COA6: variants seen among roughly 807,000 people sequenced by gnomAD.
COA6 encodes cytochrome c oxidase assembly factor 6.
Under a neutral mutation model 17.1 loss-of-function variants are expected in COA6, and 12 were observed. That is an observed-to-expected ratio of 0.70 (90% CI 0.45 to 1.14). The LOEUF (loss-of-function observed/expected upper bound fraction) is 1.14. Among genes scored for constraint, COA6 ranks in the 50% most tolerant of loss-of-function variants. The pLI, the probability that COA6 is intolerant of heterozygous loss-of-function variation, is 0.00. For missense variants in COA6, 246 were observed against 196.5 expected, an observed-to-expected ratio of 1.25 and a Z score of -1.51; for synonymous variants, 90 against 73.4, an observed-to-expected ratio of 1.23 and a Z score of -1.16.
intron 2 of COA6, 141 bp from the exon 3 acceptor site, chr1:234,383,582 A>T (rs1029949660): frequency 1.8e-6 from 1 of 568,810 alleles, no homozygotes; most frequent in Non-Finnish European, 3.2e-6. Context: ...TGACACACAC[A>T]CACACACACA....
chr1:234,374,112 G>GTT (rs61077059), intron 1 of COA6, 118 bp from the exon 2 acceptor site: 1,002 of 859,910 alleles, frequency 1.2e-3, no homozygotes, highest in South Asian at 2.7e-3. Context: ...TTTTGTTTTT[G>GTT]TTTTTTTTTT....
At chr1:234,375,072 G>A (rs1353773530) in intron 2 of COA6, among the ~76,000 whole-genome samples, 7 of 150,730 alleles carry the variant, frequency 4.6e-5, no homozygotes, top group Admixed American at 1.3e-4. Context: ...GGCAGATCAC[G>A]AGGTCAGGAG....
In COA6 at chr1:234,384,338, G is replaced by C. The variant is rs1659068652; in HGVS notation, c.*520G>C. ...GAACTGGATGTCTAGCTAGTCCAGT[G>C]AGACAAAAAAGAAAAAGCATACACA... On this transcript the variant is annotated 3_prime_UTR_variant, in exon 3 of 3. Transcript: ENST00000366615. Among the ~76,000 whole-genome samples the C allele has an allele frequency of 6.6e-6, 1 of 152,034 alleles. No individual in the cohort carries two copies. Among genetic ancestry groups the C allele is most frequent in the African/African-American group, 2.4e-5 (1 of 41,428 alleles).
chr1:234,373,512 A>T lies in COA6; in HGVS notation c.46A>T (p.Ser16Cys), dbSNP rs968287055. 1.5e-5 allele frequency: 24 copies of T among 1,607,328 alleles called. No individual in the cohort carries two copies. Among genetic ancestry groups the T allele is most frequent in the Non-Finnish European group, 2.0e-5 (24 of 1,176,868 alleles). ...AAAGAGTCCGCGGTTTCGCCGCGTG[A>T]GTTGCTTTTTGCGGCTGGGGAGGTC... ...GQKSPRFRRV[S>C]CFLRLGRSTL... The change falls in exon 1 of 3, where the codon AGT (serine) becomes TGT (cysteine). Residue 16 changes from serine (S) to cysteine (C), a missense_variant. Ser to Cys is a moderately radical substitution (Grantham distance 112). Coordinates refer to ENST00000366615, the MANE Select transcript of COA6 (RefSeq NM_001206641.3).
chr1:234,378,852 G>A (rs1037898422), intron 2 of COA6, among the ~76,000 whole-genome samples: 7 of 151,748 alleles, frequency 4.6e-5, no homozygotes, highest in African/African-American at 1.7e-4. Context: ...CAGCCTGGGT[G>A]AGTACAAGAC....
Position 234,373,556 on chromosome 1 carries a change from G to C in COA6, c.90G>C (p.Glu30Asp), listed in dbSNP as rs781144654. 5 of 1,611,888 alleles carry C rather than the reference G, an allele frequency of 3.1e-6. No homozygotes were observed. The African/African-American group carries it at 6.7e-5, about 22-fold the overall frequency. ...RLGRSTLLELEPAGRPCSGRT... is the reference protein window; with the variant it reads ...RLGRSTLLELDPAGRPCSGRT... ...GGAGGTCTACGCTTCTAGAGCTTGA[G>C]CCAGCGGGGCGACCCTGCAGTGGCA... is the stretch of plus-strand genomic sequence containing the variant. Residue 30 changes from glutamate to aspartate, a missense_variant, in exon 1 of 3, where the codon GAG becomes GAC. By Grantham distance (45) the Glu-to-Asp change is conservative (BLOSUM62 2). Coordinates refer to ENST00000366615, the MANE Select transcript of COA6 (RefSeq NM_001206641.3).
chr1:234,381,710 GAGGGTTTGTGCTGTGGCAGTGAAGA>G (rs1016510894), intron 2 of COA6, among the ~76,000 whole-genome samples: 1 of 152,198 alleles, frequency 6.6e-6, no homozygotes, highest in Admixed American at 6.5e-5. Context: ...GAGAAATGAT[GAGGGTTTGTGCTGTGGCAGTGAAGA>G]AGGGAAAAGA....
chr1:234,377,400 C>T (rs1658836668), intron 2 of COA6, among the ~76,000 whole-genome samples: 1 of 152,134 alleles, frequency 6.6e-6, no homozygotes, highest in South Asian at 2.1e-4. Flanking sequence ...GCTGGGATTA[C>T]AGGCATGAGC....
In COA6 at chr1:234,374,344, C is replaced by T. The variant is rs368270296; in HGVS notation, c.327C>T (p.Cys109=). The T allele has an allele frequency of 3.1e-6, 5 of 1,613,872 alleles. No individual in the cohort carries two copies. The highest frequency in any genetic ancestry group is 1.6e-4 in the Middle Eastern group (1 of 6,062). Residue 109 remains cysteine, a synonymous_variant, in exon 2 of 3, where the codon TGC becomes TGT. Coordinates refer to ENST00000366615, the MANE Select transcript of COA6 (RefSeq NM_001206641.3). ...AGAACTTAGAGGATGCTTCTCAATG[C>T]AAGAAGTTAAGAAGCTCTTTCGAAT... The part of the protein sequence containing the change: ...LDENLEDASQ[C]KKLRSSFESS...
Position 234,374,359 on chromosome 1 carries a change from C to G in COA6, c.342C>G (p.Ser114Arg). 6.2e-7 allele frequency: 1 copy of G among 1,614,012 alleles called. No homozygotes were observed. Among genetic ancestry groups the G allele is most frequent in the South Asian group, 1.1e-5 (1 of 91,068 alleles). Residue 114 changes from serine (S) to arginine (R), a missense_variant, in exon 2 of 3, where the codon AGC becomes AGG. Physicochemically the swap from Ser to Arg is moderately radical, Grantham distance 110. Transcript: ENST00000366615. Reference protein sequence around the residue: ...EDASQCKKLRSSFESSCPQQW... With the variant: ...EDASQCKKLRRSFESSCPQQW... The stretch of plus-strand genomic sequence containing the variant: ...CTTCTCAATGCAAGAAGTTAAGAAG[C>G]TCTTTCGAATCAAGTTGTCCCCAAC...
At chr1:234,380,634 A>G (rs1462517960) in intron 2 of COA6, among the ~76,000 whole-genome samples, 1 of 151,182 alleles carries the variant, frequency 6.6e-6, no homozygotes, top group Non-Finnish European at 1.5e-5. Flanking sequence ...TACAACTAAT[A>G]TGGTAGCTGT....
At chr1:234,376,111 G>A (rs1658782185) in intron 2 of COA6, among the ~76,000 whole-genome samples, 1 of 152,164 alleles carries the variant, frequency 6.6e-6, no homozygotes, top group African/African-American at 2.4e-5. Flanking sequence ...GACTCCAGAA[G>A]AAAATATTAT....
In COA6 at chr1:234,374,164, C is replaced by T. The variant is rs1208634962; in HGVS notation, c.213-66C>T. The T allele has an allele frequency of 4.1e-5, 53 of 1,301,242 alleles. 1 individual carries two copies. The highest frequency in any genetic ancestry group is 3.2e-4 in the Admixed American group (14 of 43,222). 80.6% of individuals were successfully genotyped at this position (1,301,242 alleles called of 1,614,324 possible). A position where few individuals can be genotyped will look rare whatever the true frequency, so the allele number is the denominator to read the frequency against. ...GGAAGAGGAGATTGACGGTTTTCCTCTTTCCTTATCTTCTCTTCAGATTAC... is the reference window on the plus strand; with the variant it reads ...GGAAGAGGAGATTGACGGTTTTCCTTTTTCCTTATCTTCTCTTCAGATTAC... On this transcript the variant is annotated intron_variant, in intron 1 of 2. Transcript: ENST00000366615.
rs1658962608 is a variant in COA6 at position 234,381,199 on chromosome 1, ACAC to A, written c.373-2523_373-2521del. Among the ~76,000 whole-genome samples the A allele has an allele frequency of 4.6e-5, 7 of 152,312 alleles. No individual in the cohort carries two copies. In the South Asian group the frequency reaches 1.4e-3, roughly 32 times the overall value. On this transcript the variant is annotated intron_variant, in intron 2 of 2. Coordinates refer to ENST00000366615, the MANE Select transcript of COA6 (RefSeq NM_001206641.3). ...CAGAAATCCCAGTATTTTGGCATTC[ACAC>A]TACTGTCCTGGGTCTTATTCAGTGG...
intron 2 of COA6, among the ~76,000 whole-genome samples, chr1:234,380,978 TGACAGAGTAA>T (rs1183153667): frequency 6.6e-6 from 1 of 152,174 alleles, no homozygotes; most frequent in Non-Finnish European, 1.5e-5. Context: ...CCAGCTTGGG[TGACAGAGTAA>T]GACTGTCTCA....
rs191655694 is a variant in COA6, at chr1:234,377,359, T to C, written c.372+2970T>C. Among the ~76,000 whole-genome samples the C allele has an allele frequency of 7.0e-4, 107 of 152,138 alleles. 1 individual carries two copies. Among genetic ancestry groups the C allele is most frequent in the African/African-American group, 2.5e-3 (104 of 41,472 alleles). ...CCAGGCTGGTCTTGAACTCCTGACC[T>C]CTTGTTCCACCCGCCTCAGCCTCCC... On this transcript the variant is annotated intron_variant, in intron 2 of 2. Coordinates refer to ENST00000366615, the MANE Select transcript of COA6 (RefSeq NM_001206641.3).
intron 2 of COA6, among the ~76,000 whole-genome samples, chr1:234,376,087 T>C (rs953448676): frequency 2.0e-5 from 3 of 152,184 alleles, no homozygotes; most frequent in Non-Finnish European, 4.4e-5. Context: ...GACTCTATGA[T>C]TGAATTAGAT....
At position 234,383,705 on chromosome 1, in the gene COA6, C is replaced by CT. The variant is rs1659048659; in HGVS notation, c.373-18_373-17insT. ...TGCATAACTTGCCCTTATTTCAAATCCTTTTTTTTTCCAACAGATAAAATA... is the reference window on the plus strand; with the variant it reads ...TGCATAACTTGCCCTTATTTCAAATCTCTTTTTTTTTCCAACAGATAAAATA... On this transcript the variant is annotated splice_polypyrimidine_tract_variant and intron_variant, in intron 2 of 2. Transcript: ENST00000366615. 1 of 1,048,406 alleles carries CT rather than the reference C, an allele frequency of 9.5e-7. No individual in the cohort carries two copies. Among genetic ancestry groups the CT allele is most frequent in the Non-Finnish European group, 1.4e-6 (1 of 716,730 alleles). The allele number at this position is 1,048,406 out of a possible 1,614,324, so 64.9% of individuals were successfully genotyped here. A position where few individuals can be genotyped will look rare whatever the true frequency, so the allele number is the denominator to read the frequency against.
intron 2 of COA6, among the ~76,000 whole-genome samples, chr1:234,382,557 T>C (rs533297934): frequency 6.6e-6 from 1 of 152,360 alleles, no homozygotes; most frequent in African/African-American, 2.4e-5. Context: ...CCTAGCTTGA[T>C]TGATACAGCA....
Sources: gnomAD v4.1 joint callset for allele counts (sites outside exome capture counted in the v4.1 genomes callset) on GRCh38, gnomAD v4.1.1 for gene constraint, MANE v1.5 for transcripts, NCBI Gene and HGNC (gene_info 2026-07-23, HGNC 2026-07-21) for gene names.